MTUS2: variants seen among roughly 807,000 people sequenced by gnomAD.
The protein encoded by MTUS2 is microtubule-associated tumor suppressor candidate 2.
MTUS2 carries 40 observed loss-of-function variants against 114.1 expected under a neutral mutation model. That is an observed-to-expected ratio of 0.35 (90% confidence interval 0.27 to 0.46). The LOEUF (loss-of-function observed/expected upper bound fraction) is 0.46. Among genes scored for constraint, MTUS2 ranks in the 20% least tolerant of loss-of-function variants. The pLI, the probability that MTUS2 is intolerant of heterozygous loss-of-function variation, is 1.00. For synonymous variants in MTUS2, 688 were observed against 672.0 expected, an observed-to-expected ratio of 1.02 and a Z score of -0.37; for missense variants, 1,679 against 1,705.4, an observed-to-expected ratio of 0.98 and a Z score of 0.27.
intron 2 of MTUS2, among the ~76,000 whole-genome samples, chr13:29,022,355 T>C (rs542695903): frequency 6.6e-6 from 1 of 152,284 alleles, no homozygotes; most frequent in Middle Eastern, 3.4e-3. Context: ...TGTTATATTA[T>C]TTTGCTTTGT....
chr13:29,488,074 G>A, intron 11 of MTUS2, 69 bp downstream of exon 11: 1 of 1,188,452 alleles, frequency 8.4e-7, no homozygotes, highest in Non-Finnish European at 1.3e-6. Context: ...TGCTGCAGAT[G>A]TGTGGAGCCC....
At chr13:28,897,268 C>G (rs1359654618) in intron 2 of MTUS2, among the ~76,000 whole-genome samples, 1 of 152,054 alleles carries the variant, frequency 6.6e-6, no homozygotes, top group Admixed American at 6.5e-5. Flanking sequence ...CAAAAGAAGA[C>G]ATTTATGCAG....
intron 15 of MTUS2, among the ~76,000 whole-genome samples, chr13:29,502,734 G>A (rs997529376): frequency 1.3e-5 from 2 of 152,242 alleles, no homozygotes; most frequent in Non-Finnish European, 2.9e-5. Flanking sequence ...TCTGTCCAGT[G>A]GACAGCCAGT....
chr13:29,206,966 G>C (rs11617847), intron 5 of MTUS2, among the ~76,000 whole-genome samples: 22,080 of 152,040 alleles, frequency 0.15, 1,814 homozygotes, highest in East Asian at 0.31. Flanking sequence ...ATTTTGATGG[G>C]AATTGCATTA....
rs117874857 is a variant in MTUS2, at chr13:29,494,575, T to C, written c.3579+1856T>C. Among the ~76,000 whole-genome samples, 1,323 of 151,948 alleles carry C rather than the reference T, an allele frequency of 8.7e-3. 12 individuals are homozygous for C. The highest frequency in any genetic ancestry group is 0.014 in the Non-Finnish European group (971 of 67,934). On this transcript the variant is annotated intron_variant, in intron 12 of 15. Transcript: ENST00000612955. The stretch of plus-strand genomic sequence containing the variant: ...TGTAGGAGCCATGGAGGGAGAGTCA[T>C]TTTTATAGTCAGTGTAGCAGGTGAC...
At position 29,315,391 on chromosome 13, in the gene MTUS2, C is replaced by T. The variant is rs1336385518; in HGVS notation, c.2807-9222C>T. ...ATGCTAGTTATCCCAATTTGATCAC[C>T]GCATATTGTTTACATGTTCCAAAAT... On this transcript the variant is annotated intron_variant, in intron 6 of 15. Transcript: ENST00000612955. Among the ~76,000 whole-genome samples the T allele has an allele frequency of 9.9e-5, 15 of 152,170 alleles. No individual in the cohort carries two copies. The East Asian group carries it at 1.2e-3, about 12-fold the overall frequency.
chr13:28,825,795 A>G (rs932798354), intron 1 of MTUS2, among the ~76,000 whole-genome samples: 3 of 152,126 alleles, frequency 2.0e-5, no homozygotes, highest in African/African-American at 7.2e-5. Context: ...CCAAAACACA[A>G]ATCTCTCATA....
At chr13:29,060,965 T>A (rs1888391448) in intron 4 of MTUS2, among the ~76,000 whole-genome samples, 1 of 152,050 alleles carries the variant, frequency 6.6e-6, no homozygotes, top group South Asian at 2.1e-4. Flanking sequence ...CACGCCTGGC[T>A]AATTTTTGTA....
chr13:28,962,605 G>C (rs1038983375), intron 2 of MTUS2, among the ~76,000 whole-genome samples: 15 of 152,142 alleles, frequency 9.9e-5, no homozygotes, highest in African/African-American at 3.4e-4. Flanking sequence ...TTTGCAGCTG[G>C]TGTATGCCAT....
At chr13:29,027,522 T>G (rs1454370262) in intron 3 of MTUS2, among the ~76,000 whole-genome samples, 1 of 152,182 alleles carries the variant, frequency 6.6e-6, no homozygotes. Context: ...GGGTTGGTAT[T>G]GCAGTTTTTT....
chr13:29,309,438 TG>T (rs565082980), intron 6 of MTUS2, among the ~76,000 whole-genome samples: 112 of 151,098 alleles, frequency 7.4e-4, no homozygotes, highest in African/African-American at 2.7e-3. Flanking sequence ...GGGTGGAGGA[TG>T]GGGGGAGGGA....
intron 9 of MTUS2, among the ~76,000 whole-genome samples, chr13:29,466,446 G>A (rs534124529): frequency 1.6e-4 from 24 of 152,274 alleles, no homozygotes; most frequent in Middle Eastern, 3.4e-3. Context: ...GATGTATTTG[G>A]TTGTAATCAG....
chr13:29,160,712 G>A (rs2139076829), intron 5 of MTUS2, among the ~76,000 whole-genome samples: 1 of 151,814 alleles, frequency 6.6e-6, no homozygotes, highest in Middle Eastern at 3.4e-3. Context: ...AGAGCTTGCA[G>A]TGAGCTGAGA....
chr13:29,152,655 A>G (rs191313585), intron 5 of MTUS2, among the ~76,000 whole-genome samples: 40 of 152,292 alleles, frequency 2.6e-4, no homozygotes, highest in Middle Eastern at 3.4e-3. Flanking sequence ...CTCAGTTTCT[A>G]GCCGCATGGA....
At chr13:29,135,446 C>T (rs1390969028) in intron 5 of MTUS2, among the ~76,000 whole-genome samples, 1 of 152,132 alleles carries the variant, frequency 6.6e-6, no homozygotes, top group Non-Finnish European at 1.5e-5. Context: ...CTCTTGTAGG[C>T]AGCGTATAGT....
intron 10 of MTUS2, chr13:29,485,228 TCTC>T (rs1360560055): frequency 1.3e-5 from 2 of 152,664 alleles, no homozygotes; most frequent in Non-Finnish European, 1.5e-5. Context: ...CTTGTTTAAA[TCTC>T]CTCCAATTCC....
intron 6 of MTUS2, among the ~76,000 whole-genome samples, chr13:29,299,245 C>A (rs1478867205): frequency 1.3e-5 from 2 of 152,126 alleles, no homozygotes; most frequent in Non-Finnish European, 2.9e-5. Flanking sequence ...GTCTGCTGTT[C>A]TTTCTGGCCA....
At chr13:29,357,115 A>G (rs1869807868) in intron 7 of MTUS2, among the ~76,000 whole-genome samples, 1 of 152,240 alleles carries the variant, frequency 6.6e-6, no homozygotes, top group Non-Finnish European at 1.5e-5. Context: ...AGTGCCAAGA[A>G]TAGAATTTCA....
chr13:28,820,754 C>G (rs1368584098), intron 1 of MTUS2, 143 bp downstream of exon 1: 1 of 152,308 alleles, frequency 6.6e-6, no homozygotes, highest in Non-Finnish European at 1.5e-5. Context: ...CTTCTCGTCT[C>G]CAGAGCGCTG....
Sources: gnomAD v4.1 joint callset for allele counts (sites outside exome capture counted in the v4.1 genomes callset) on GRCh38, gnomAD v4.1.1 for gene constraint, MANE v1.5 for transcripts, NCBI Gene and HGNC (gene_info 2026-07-23, HGNC 2026-07-21) for gene names.